MFHAS1: variants seen among roughly 807,000 people sequenced by gnomAD.
The protein encoded by MFHAS1 is multifunctional ROCO family signaling regulator 1, also known as malignant fibrous histiocytoma-amplified sequence 1.
A neutral mutation model predicts 70.4 loss-of-function variants in MFHAS1; 50 were observed. That is an observed-to-expected ratio of 0.71 (90% CI 0.57 to 0.90). MFHAS1 has a LOEUF of 0.90. Ranked by LOEUF, MFHAS1 falls within the 40% of genes least tolerant of loss-of-function variation. The pLI is 0.00. For missense variants in MFHAS1, 1,795 were observed against 1,347.6 expected, an observed-to-expected ratio of 1.33 and a Z score of -5.20; for synonymous variants, 952 against 620.0, an observed-to-expected ratio of 1.54 and a Z score of -7.96.
chr8:8,892,431 C>T lies in MFHAS1; in HGVS notation c.628G>A (p.Asp210Asn). 1 of 1,612,098 alleles carries T rather than the reference C, an allele frequency of 6.2e-7. No homozygotes were observed. The highest frequency in any genetic ancestry group is 8.5e-7 in the Non-Finnish European group (1 of 1,179,332). ...LLQLVALEEL[D>N]VSSNRLRGLP... ...CCCCGCAGCCGGTTGCTGGACACGTCCAGCTCCTCCAGGGCCACCAGCTGC... is the reference window on the plus strand; with the variant it reads ...CCCCGCAGCCGGTTGCTGGACACGTTCAGCTCCTCCAGGGCCACCAGCTGC... The change falls in exon 1 of 3, where the codon GAC becomes AAC. Residue 210 changes from aspartate to asparagine, a missense_variant. Physicochemically the swap from Asp to Asn is conservative, Grantham distance 23. Transcript: ENST00000276282. The surrounding 1 kb of genome is among the most constrained non-coding windows in gnomAD (Gnocchi z 4.7).
At chr8:8,849,098 A>G (rs1388573353) in intron 1 of MFHAS1, among the ~76,000 whole-genome samples, 4 of 69,082 alleles carry the variant, frequency 5.8e-5, no homozygotes, top group East Asian at 6.9e-4. Flanking sequence ...TTTTTTTTGG[A>G]GACATAGAGT....
intron 1 of MFHAS1, among the ~76,000 whole-genome samples, chr8:8,840,253 T>G (rs1170278843): frequency 6.6e-6 from 1 of 152,080 alleles, no homozygotes; most frequent in East Asian, 1.9e-4. Context: ...GGTCAGGAGT[T>G]TCAGGCTAGC....
At chr8:8,807,643 C>T (rs148627109) in intron 1 of MFHAS1, among the ~76,000 whole-genome samples, 5 of 152,264 alleles carry the variant, frequency 3.3e-5, no homozygotes, top group Non-Finnish European at 5.9e-5. Flanking sequence ...AGAAGGCATT[C>T]GCGTGGATGG....
chr8:8,873,915 T>C (rs1047696183), intron 1 of MFHAS1, among the ~76,000 whole-genome samples: 3 of 152,246 alleles, frequency 2.0e-5, no homozygotes, highest in African/African-American at 7.2e-5. Flanking sequence ...TTTGTAATTA[T>C]TGCTATGTCT....
At chr8:8,820,013 T>C (rs568034318) in intron 1 of MFHAS1, among the ~76,000 whole-genome samples, 1 of 152,208 alleles carries the variant, frequency 6.6e-6, no homozygotes, top group Non-Finnish European at 1.5e-5. Context: ...AGACTATCTA[T>C]GAAACACAAA....
At chr8:8,888,191 G>C (rs750966286) in intron 1 of MFHAS1, among the ~76,000 whole-genome samples, 1 of 152,200 alleles carries the variant, frequency 6.6e-6, no homozygotes, top group Non-Finnish European at 1.5e-5. Context: ...GGATGTCTCA[G>C]TTGACTGGTA....
At chr8:8,828,620 C>G (rs986798359) in intron 1 of MFHAS1, among the ~76,000 whole-genome samples, 5 of 152,182 alleles carry the variant, frequency 3.3e-5, no homozygotes, top group African/African-American at 4.8e-5. Flanking sequence ...GGAGGAAAAA[C>G]GCAAAAGCTA....
intron 1 of MFHAS1, among the ~76,000 whole-genome samples, chr8:8,830,011 C>T (rs1225713048): frequency 6.6e-6 from 1 of 152,148 alleles, no homozygotes; most frequent in African/African-American, 2.4e-5. Flanking sequence ...GGGGTGTGGC[C>T]TGGGATTCTG....
intron 1 of MFHAS1, among the ~76,000 whole-genome samples, chr8:8,830,053 G>C (rs1194088392): frequency 6.6e-6 from 1 of 152,182 alleles, no homozygotes; most frequent in Non-Finnish European, 1.5e-5. Context: ...GGAGGTCGAA[G>C]CTGCTAGTCC....
intron 1 of MFHAS1, among the ~76,000 whole-genome samples, chr8:8,811,446 A>T (rs1343620671): frequency 1.3e-5 from 2 of 151,544 alleles, no homozygotes; most frequent in African/African-American, 2.4e-5. Flanking sequence ...TCATTTTTTT[A>T]TTTTTATTTT....
At chr8:8,828,738 G>A (rs1403385174) in intron 1 of MFHAS1, among the ~76,000 whole-genome samples, 1 of 152,230 alleles carries the variant, frequency 6.6e-6, no homozygotes, top group Non-Finnish European at 1.5e-5. Context: ...ACCTTTATCT[G>A]TGCAGTCCTC....
At chr8:8,843,873 CCT>C (rs1405646864) in intron 1 of MFHAS1, among the ~76,000 whole-genome samples, 7 of 152,160 alleles carry the variant, frequency 4.6e-5, no homozygotes, top group African/African-American at 1.7e-4. Context: ...GAATTAATTA[CCT>C]CTGTTTTATC....
chr8:8,797,251 G>C (rs1585020016), intron 2 of MFHAS1, 114 bp downstream of exon 2: 1 of 1,210,866 alleles, frequency 8.3e-7, no homozygotes, highest in Non-Finnish European at 1.2e-6. Context: ...TGTCTGTTCA[G>C]GAGGACTTTG....
chr8:8,891,521 G>A lies in MFHAS1; in HGVS notation c.1538C>T (p.Pro513Leu). 6.2e-7 allele frequency: 1 copy of A among 1,613,082 alleles called. No individual in the cohort carries two copies. The highest frequency in any genetic ancestry group is 8.5e-7 in the Non-Finnish European group (1 of 1,180,034). The change falls in exon 1 of 3, where the codon CCT becomes CTT. Residue 513 changes from proline (P) to leucine (L), a missense_variant. Transcript: ENST00000276282. This position sits in a 1 kb window ranked among gnomAD's most constrained non-coding sequence, Gnocchi z 5.4. Reference protein sequence around the residue: ...NLATYEPRHFPTTVGSFLHRV... With the variant: ...NLATYEPRHFLTTVGSFLHRV... The stretch of plus-strand genomic sequence containing the variant: ...ATGCAAGAAGGAGCCCACGGTGGTA[G>A]GAAAGTGGCGAGGCTCATAGGTGGC...
At chr8:8,863,022 T>C (rs999867688) in intron 1 of MFHAS1, among the ~76,000 whole-genome samples, 1 of 152,236 alleles carries the variant, frequency 6.6e-6, no homozygotes, top group African/African-American at 2.4e-5. Flanking sequence ...TTAATTTGTG[T>C]ATATAGTACA....
intron 1 of MFHAS1, among the ~76,000 whole-genome samples, chr8:8,839,883 G>A (rs954607706): frequency 2.6e-5 from 4 of 152,052 alleles, no homozygotes; most frequent in African/African-American, 9.7e-5. Context: ...TGCCTGGACT[G>A]TCTCAGATGA....
chr8:8,841,459 C>A (rs898051339), intron 1 of MFHAS1, among the ~76,000 whole-genome samples: 1 of 141,156 alleles, frequency 7.1e-6, no homozygotes, highest in Non-Finnish European at 1.6e-5. Context: ...CAGATCAAGA[C>A]TTCGTCTCAA....
intron 1 of MFHAS1, among the ~76,000 whole-genome samples, chr8:8,868,110 A>G (rs1354750853): frequency 2.6e-5 from 4 of 152,014 alleles, no homozygotes; most frequent in African/African-American, 9.7e-5. Flanking sequence ...CATTTTCTAG[A>G]CCAAGTTCCC....
chr8:8,855,513 A>C (rs1024436809), intron 1 of MFHAS1, among the ~76,000 whole-genome samples: 4 of 152,228 alleles, frequency 2.6e-5, no homozygotes, highest in African/African-American at 7.2e-5. Flanking sequence ...AATTTATTCT[A>C]TCATTCTATA....
Sources: allele counts gnomAD v4.1 joint callset (sites outside exome capture counted in the v4.1 genomes callset), GRCh38; gene constraint gnomAD v4.1.1; non-coding constraint Gnocchi (gnomAD v3.1); transcripts MANE v1.5; gene names NCBI Gene and HGNC (gene_info 2026-07-23, HGNC 2026-07-21).